Variants in ANKRD29 observed in about 807,000 individuals in gnomAD.
The protein encoded by ANKRD29 is ankyrin repeat domain 29.
Under a neutral mutation model 38.0 loss-of-function variants are expected in ANKRD29, and 32 were observed. The ratio of observed to expected loss-of-function variants is 0.84; its 90% CI spans 0.64 to 1.13. The LOEUF (loss-of-function observed/expected upper bound fraction) is 1.13, where lower values mean the gene tolerates loss of function less well. Ranked by LOEUF, ANKRD29 falls within the 50% of genes most tolerant of loss-of-function variation. ANKRD29 has a pLI of 0.00. For synonymous variants in ANKRD29, 135 were observed against 152.4 expected (o/e 0.89, Z 0.84); for missense variants, 357 against 377.9 (o/e 0.94, Z 0.46).
intron 3 of ANKRD29, among the ~76,000 whole-genome samples, chr18:23,642,064 G>GGA: frequency 6.6e-6 from 1 of 152,034 alleles, no homozygotes; most frequent in Non-Finnish European, 1.5e-5. Context: ...ACCCACTTTG[G>GGA]GTCTCCTGGG....
At chr18:23,627,015 G>C (rs890606324) in intron 6 of ANKRD29, among the ~76,000 whole-genome samples, 4 of 152,258 alleles carry the variant, frequency 2.6e-5, no homozygotes, top group African/African-American at 9.6e-5. Flanking sequence ...TAAAACATTG[G>C]TTTCCAAATG....
chr18:23,637,491 G>C (rs1365572023), intron 4 of ANKRD29, among the ~76,000 whole-genome samples: 1 of 152,010 alleles, frequency 6.6e-6, no homozygotes, highest in East Asian at 1.9e-4. Flanking sequence ...TTGACCTCTC[G>C]GGCTCAAGTG....
intron 9 of ANKRD29, among the ~76,000 whole-genome samples, chr18:23,607,574 T>G (rs757440010): frequency 6.6e-6 from 1 of 152,192 alleles, no homozygotes; most frequent in Non-Finnish European, 1.5e-5. Context: ...AAAAAAAGCT[T>G]TATACTTTCA....
intron 4 of ANKRD29, among the ~76,000 whole-genome samples, chr18:23,635,814 G>A (rs940772590): frequency 5.9e-5 from 9 of 152,128 alleles, no homozygotes; most frequent in African/African-American, 2.2e-4. Context: ...AAGAGGTCTC[G>A]AATTCGTAGG....
At position 23,655,537 on chromosome 18, in the gene ANKRD29, C is replaced by G. The variant is rs1050412373; in HGVS notation, c.22-6344G>C. 3.0e-4 allele frequency among the ~76,000 whole-genome samples: 46 copies of G among 151,928 alleles called. 2 individuals carry two copies. The highest frequency in any genetic ancestry group is 8.8e-5 in the Non-Finnish European group (6 of 67,998). On this transcript the variant is annotated intron_variant, in intron 1 of 9. Transcript: ENST00000592179. ...TCGACTCACTGCAAGCTCTGCCTCC[C>G]GGGTTCAAGCGATTCTCCTGCCTTA...
At chr18:23,624,804 T>A (rs1490462751) in intron 6 of ANKRD29, among the ~76,000 whole-genome samples, 2 of 152,108 alleles carry the variant, frequency 1.3e-5, no homozygotes, top group Non-Finnish European at 2.9e-5. Flanking sequence ...CTAAATAGAG[T>A]GAGTTTTATA....
In ANKRD29 at chr18:23,602,161, C is replaced by T. The variant is rs370011981; in HGVS notation, c.823-852G>A. ...AAGCAATTCTCCTGCCTCAGCCTCC[C>T]GAGTGGCTGGGACTACAGGCATGTG... is the stretch of plus-strand genomic sequence containing the variant. On this transcript the variant is annotated intron_variant, in intron 9 of 9. Transcript: ENST00000592179. 5.3e-5 allele frequency among the ~76,000 whole-genome samples: 8 copies of T among 152,140 alleles called. No individual in the cohort carries two copies. The East Asian group carries it at 1.4e-3, about 26-fold the overall frequency.
intron 8 of ANKRD29, among the ~76,000 whole-genome samples, chr18:23,613,356 G>A (rs2059668338): frequency 1.3e-5 from 2 of 151,704 alleles, no homozygotes; most frequent in African/African-American, 4.8e-5. Flanking sequence ...ATTTTTTGTA[G>A]AGACAGGGTT....
At chr18:23,619,442 T>G (rs2059766468) in intron 7 of ANKRD29, 89 bp downstream of exon 7, 1 of 1,256,396 alleles carries the variant, frequency 8.0e-7, no homozygotes, top group African/African-American at 1.5e-5. Flanking sequence ...AGGAAACCCA[T>G]GTGGGCTGCA....
At chr18:23,638,387 C>A (rs1208797601) in intron 4 of ANKRD29, among the ~76,000 whole-genome samples, 3 of 152,004 alleles carry the variant, frequency 2.0e-5, no homozygotes, top group Non-Finnish European at 2.9e-5. Context: ...GAGGATAGCT[C>A]ATGAAAGTAA....
intron 1 of ANKRD29, among the ~76,000 whole-genome samples, chr18:23,661,425 G>A (rs2060359355): frequency 6.6e-6 from 1 of 152,166 alleles, no homozygotes; most frequent in African/African-American, 2.4e-5. Context: ...TTTAAAGTCG[G>A]CCGGGCGTAG....
intron 9 of ANKRD29, among the ~76,000 whole-genome samples, chr18:23,607,699 G>C (rs1709258940): frequency 6.6e-6 from 1 of 152,188 alleles, no homozygotes; most frequent in Non-Finnish European, 1.5e-5. Flanking sequence ...TTCTCAGGTT[G>C]CTGAGATTGT....
intron 5 of ANKRD29, among the ~76,000 whole-genome samples, chr18:23,632,548 TTACACACTCTCAG>T (rs2145691087): frequency 6.7e-6 from 1 of 148,166 alleles, no homozygotes; most frequent in African/African-American, 2.5e-5. Context: ...TATATATATA[TTACACACTCTCAG>T]ATATACTCTA....
chr18:23,607,397 A>C (rs2145633483), intron 9 of ANKRD29, among the ~76,000 whole-genome samples: 1 of 152,236 alleles, frequency 6.6e-6, no homozygotes, highest in Middle Eastern at 3.4e-3. Context: ...GGAATAACTG[A>C]GCTGTCTACA....
Position 23,659,184 on chromosome 18 carries a change from G to A in ANKRD29, c.21+3526C>T, listed in dbSNP as rs370092289. Among the ~76,000 whole-genome samples, 373 of 152,070 alleles carry A rather than the reference G, an allele frequency of 2.5e-3. 2 individuals are homozygous for A. The highest frequency in any genetic ancestry group is 3.5e-3 in the Non-Finnish European group (239 of 67,996). ...TTTAGTAGAGACGGGGTTTCACCACGTTGGCCAGGCTGGTCTTAAACTCCC... is the reference window on the plus strand; with the variant it reads ...TTTAGTAGAGACGGGGTTTCACCACATTGGCCAGGCTGGTCTTAAACTCCC... On this transcript the variant is annotated intron_variant, in intron 1 of 9. Coordinates refer to ENST00000592179, the MANE Select transcript of ANKRD29 (RefSeq NM_173505.4).
intron 9 of ANKRD29, among the ~76,000 whole-genome samples, chr18:23,607,014 C>G (rs988397642): frequency 6.6e-6 from 1 of 152,186 alleles, no homozygotes; most frequent in African/African-American, 2.4e-5. Flanking sequence ...GTTGCTTTAT[C>G]TGGAAACTTG....
intron 9 of ANKRD29, among the ~76,000 whole-genome samples, chr18:23,608,854 G>A (rs886694301): frequency 5.9e-5 from 9 of 152,112 alleles, no homozygotes; most frequent in Non-Finnish European, 8.8e-5. Flanking sequence ...ATTTAGGGCC[G>A]GGCGCGGTGG....
At chr18:23,633,856 A>T (rs1181245822) in intron 5 of ANKRD29, among the ~76,000 whole-genome samples, 195 bp downstream of exon 5, 1 of 150,972 alleles carries the variant, frequency 6.6e-6, no homozygotes, top group Admixed American at 6.7e-5. Flanking sequence ...GGCGTGAACC[A>T]CCGCGCCCGG....
chr18:23,637,994 C>CTTTTTTTT lies in ANKRD29; in HGVS notation c.330+847_330+854dup, dbSNP rs3083465. Among the ~76,000 whole-genome samples, 188 of 98,050 alleles carry CTTTTTTTT rather than the reference C, an allele frequency of 1.9e-3. 8 individuals carry two copies. The highest frequency in any genetic ancestry group is 4.9e-3 in the African/African-American group (121 of 24,538). The allele number at this position is 98,050 out of a possible 152,430, so 64.3% of individuals were successfully genotyped here. A position where few individuals can be genotyped will look rare whatever the true frequency, so the allele number is the denominator to read the frequency against. Reference sequence around the variant, plus strand: ...TGTCAAAAATGAAAATCAATTACTTCTTTTTTTTTTTTTTTTTTTTTGAGA... The same window carrying CTTTTTTTT: ...TGTCAAAAATGAAAATCAATTACTTCTTTTTTTTTTTTTTTTTTTTTTTTTTTTTGAGA... On this transcript the variant is annotated intron_variant, in intron 4 of 9. Transcript: ENST00000592179.
Sources: allele counts gnomAD v4.1 joint callset (sites outside exome capture counted in the v4.1 genomes callset), GRCh38; gene constraint gnomAD v4.1.1; transcripts MANE v1.5; gene names NCBI Gene and HGNC (gene_info 2026-07-23, HGNC 2026-07-21).